C4orf51: variants seen among roughly 807,000 people sequenced by gnomAD.
C4orf51 encodes the protein chromosome 4 open reading frame 51.
Under a neutral mutation model 25.2 loss-of-function variants are expected in C4orf51, and 25 were observed. That is an observed-to-expected ratio of 0.99 (90% CI 0.72 to 1.39). The LOEUF is 1.39. Among genes scored for constraint, C4orf51 ranks in the 40% most tolerant of loss-of-function variants. The pLI, the probability that C4orf51 is intolerant of heterozygous loss-of-function variation, is 0.00. For missense variants in C4orf51, 252 were observed against 239.6 expected (o/e 1.05, Z -0.34); for synonymous variants, 100 against 84.5 (o/e 1.18, Z -1.01).
chr4:145,781,065 G>A, the C4orf51 span, among the ~76,000 whole-genome samples: 2 of 151,628 alleles, frequency 1.3e-5, no homozygotes, highest in South Asian at 2.1e-4. Context: ...GCGTGGTGGC[G>A]GGCGCCTGAA....
At chr4:145,750,564 T>C (rs866271487) in intron 1 of C4orf51, among the ~76,000 whole-genome samples, 1 of 152,148 alleles carries the variant, frequency 6.6e-6, no homozygotes, top group African/African-American at 2.4e-5. Flanking sequence ...GCTTTTAGGA[T>C]CCATTCTTTA....
chr4:145,765,070 C>T lies in C4orf51; in HGVS notation n.167-5918C>T, dbSNP rs780273763. 1.9e-6 allele frequency: 3 copies of T among 1,614,118 alleles called. No homozygotes were observed. Among genetic ancestry groups the T allele is most frequent in the Admixed American group, 3.3e-5 (2 of 60,008 alleles). ...GTCTTCATGAACTTGTGGCACACATCACACTCAAACATCCGGGTGATGAGG... is the reference window on the plus strand; with the variant it reads ...GTCTTCATGAACTTGTGGCACACATTACACTCAAACATCCGGGTGATGAGG... On this transcript the variant is annotated intron_variant and non_coding_transcript_variant, in intron 1 of 1. Coordinates refer to the C4orf51 transcript ENST00000510096. This position sits in a 1 kb window ranked among gnomAD's most constrained non-coding sequence, Gnocchi z 4.7.
intron 2 of C4orf51, among the ~76,000 whole-genome samples, chr4:145,697,005 A>G (rs1234647193): frequency 6.6e-6 from 1 of 150,552 alleles, no homozygotes; most frequent in Non-Finnish European, 1.5e-5. Flanking sequence ...CCATTGCACT[A>G]CAGCCTGGGT....
intron 1 of C4orf51, chr4:145,760,768 C>T (rs1204054239): frequency 2.1e-6 from 2 of 952,260 alleles, no homozygotes; most frequent in Admixed American, 1.0e-4. Context: ...TGGTACAGAA[C>T]ATGGCTGCCC....
rs1215243472 is a variant in C4orf51 at position 145,762,176 on chromosome 4, T to TCTCTCTGTGTGAGTGTGTGC, written n.167-8811_167-8792dup. ...GTTAGGATGAGAAGGCCTGTGTGTG[T>TCTCTCTGTGTGAGTGTGTGC]CTCTCTGTGTGAGTGTGTGCATGTG... is the stretch of plus-strand genomic sequence containing the variant. On this transcript the variant is annotated intron_variant and non_coding_transcript_variant, in intron 1 of 1. Transcript: ENST00000510096. The surrounding 1 kb of genome is among the most constrained non-coding windows in gnomAD (Gnocchi z 4.9). Among the ~76,000 whole-genome samples, 3 of 152,164 alleles carry TCTCTCTGTGTGAGTGTGTGC rather than the reference T, an allele frequency of 2.0e-5. No individual in the cohort carries two copies. In the East Asian group the frequency reaches 5.8e-4, roughly 29 times the overall value.
At chr4:145,742,706 AT>A (rs762039264) in intron 1 of C4orf51, among the ~76,000 whole-genome samples, 4 of 151,306 alleles carry the variant, frequency 2.6e-5, no homozygotes, top group Admixed American at 2.6e-4. Flanking sequence ...CGCCCAGCTA[AT>A]TTTTTTGTAT....
intron 4 of C4orf51, among the ~76,000 whole-genome samples, 174 bp from the exon 5 acceptor site, chr4:145,729,718 A>G (rs574166042): frequency 4.1e-4 from 63 of 152,316 alleles, no homozygotes; most frequent in African/African-American, 1.4e-3. Flanking sequence ...AAATAACAGG[A>G]GGGAGAAATG....
chr4:145,687,004 G>T (rs112048712), intron 1 of C4orf51, among the ~76,000 whole-genome samples: 8,717 of 131,218 alleles, frequency 0.066, 319 homozygotes, highest in South Asian at 0.17. Flanking sequence ...GGATCTTGTG[G>T]GGGGGGCGGT....
At chr4:145,691,221 T>C (rs1333941069) in intron 1 of C4orf51, among the ~76,000 whole-genome samples, 2 of 152,032 alleles carry the variant, frequency 1.3e-5, no homozygotes, top group African/African-American at 4.8e-5. Context: ...ATCAGAGGAA[T>C]GCAAACAAAA....
intron 2 of C4orf51, among the ~76,000 whole-genome samples, chr4:145,707,065 C>T (rs941244784): frequency 6.6e-6 from 1 of 152,148 alleles, no homozygotes; most frequent in Non-Finnish European, 1.5e-5. Flanking sequence ...ATCCGGCCCA[C>T]CTCGGCCTCC....
At chr4:145,686,068 G>T (rs1430271899) in intron 1 of C4orf51, among the ~76,000 whole-genome samples, 1 of 152,136 alleles carries the variant, frequency 6.6e-6, no homozygotes, top group Non-Finnish European at 1.5e-5. Flanking sequence ...ACATACAATG[G>T]AATATTATTC....
chr4:145,694,065 G>A (rs1305155609), intron 1 of C4orf51, among the ~76,000 whole-genome samples: 1 of 140,784 alleles, frequency 7.1e-6, no homozygotes, highest in Non-Finnish European at 1.6e-5. Context: ...CCTCCCAGAC[G>A]GGGTCTCGGC....
intron 3 of C4orf51, 89 bp downstream of exon 3, chr4:145,727,058 G>A: frequency 1.9e-6 from 2 of 1,054,502 alleles, no homozygotes; most frequent in South Asian, 1.5e-5. Flanking sequence ...AACAAAAGGG[G>A]TTAAATTTTT....
downstream of C4orf51, chr4:145,732,839 G>A (rs1409341597): frequency 4.3e-6 from 1 of 233,042 alleles, no homozygotes. Context: ...CAGAAATGGT[G>A]CTGCGGCCCC....
At chr4:145,764,388 G>A (rs1220323965) in intron 1 of C4orf51, among the ~76,000 whole-genome samples, 2 of 152,120 alleles carry the variant, frequency 1.3e-5, no homozygotes, top group Non-Finnish European at 2.9e-5. Flanking sequence ...TTAGTTGATT[G>A]GTCTCACTTG....
rs1300429187 is a variant in C4orf51 at position 145,765,774 on chromosome 4, G to A, written n.167-5214G>A. On this transcript the variant is annotated intron_variant and non_coding_transcript_variant, in intron 1 of 1. Transcript: ENST00000510096. This position sits in a 1 kb window ranked among gnomAD's most constrained non-coding sequence, Gnocchi z 4.7. ...AGCAAATAACCCAGTCTGTTAATGA[G>A]ATGAAAATCCTCAGAATTATAGCAA... is the stretch of plus-strand genomic sequence containing the variant. 3 of 1,592,630 alleles carry A rather than the reference G, an allele frequency of 1.9e-6. No individual in the cohort carries two copies. The highest frequency in any genetic ancestry group is 2.6e-6 in the Non-Finnish European group (3 of 1,167,866).
chr4:145,729,546 C>T (rs1400059589), intron 4 of C4orf51, among the ~76,000 whole-genome samples: 1 of 152,134 alleles, frequency 6.6e-6, no homozygotes, highest in East Asian at 1.9e-4. Context: ...TGTGATCCTC[C>T]CTCCTTGGCC....
At chr4:145,707,350 CT>C (rs1288959523) in intron 2 of C4orf51, among the ~76,000 whole-genome samples, 5 of 152,198 alleles carry the variant, frequency 3.3e-5, no homozygotes, top group Non-Finnish European at 7.3e-5. Context: ...AAGATTTGTA[CT>C]GCATGTTGCT....
chr4:145,698,519 G>T (rs1000452048), intron 2 of C4orf51, among the ~76,000 whole-genome samples: 1 of 152,160 alleles, frequency 6.6e-6, no homozygotes, highest in Non-Finnish European at 1.5e-5. Context: ...GGAATGTCTG[G>T]GTTTTGATAA....
Sources: gnomAD v4.1 joint callset for allele counts (sites outside exome capture counted in the v4.1 genomes callset) on GRCh38, gnomAD v4.1.1 for gene constraint, Gnocchi (gnomAD v3.1) non-coding constraint, MANE v1.5 for transcripts, NCBI Gene and HGNC (gene_info 2026-07-23, HGNC 2026-07-21) for gene names.